The following POLQ variants were observed in gnomAD, a reference collection of about 807,000 sequenced individuals.
POLQ encodes the protein DNA polymerase theta.
A neutral mutation model predicts 259.2 loss-of-function variants in POLQ; 233 were observed. The observed-to-expected ratio is 0.90, with a 90% confidence interval of 0.81 to 1.00. POLQ has a LOEUF of 1.00. POLQ is among the 50% of genes least tolerant of loss of function. The probability of loss-of-function intolerance (pLI) is 0.00; values close to 1 mark genes in which losing one functional copy is unlikely to be tolerated. For synonymous variants in POLQ, 1,025 were observed against 1,048.8 expected (o/e 0.98, Z 0.44); for missense variants, 2,871 against 3,051.6 (o/e 0.94, Z 1.39).
intron 5 of POLQ, among the ~76,000 whole-genome samples, chr3:121,536,478 A>G (rs1258023645): frequency 6.6e-6 from 1 of 152,164 alleles, no homozygotes; most frequent in Non-Finnish European, 1.5e-5. Context: ...GGCTAAAAAA[A>G]TAATATTTTT....
intron 12 of POLQ, among the ~76,000 whole-genome samples, chr3:121,508,470 C>A (rs2048227375): frequency 1.3e-5 from 2 of 152,088 alleles, no homozygotes; most frequent in Non-Finnish European, 2.9e-5. Flanking sequence ...TAAATACTTA[C>A]CCAAGGTTAT....
chr3:121,434,304 C>T (rs1245709177), intron 28 of POLQ, among the ~76,000 whole-genome samples: 1 of 152,184 alleles, frequency 6.6e-6, no homozygotes, highest in Non-Finnish European at 1.5e-5. Flanking sequence ...AGCCATATCG[C>T]CTTCCACTGA....
chr3:121,460,616 G>T (rs1385730160), intron 24 of POLQ, among the ~76,000 whole-genome samples: 3 of 152,138 alleles, frequency 2.0e-5, no homozygotes, highest in Non-Finnish European at 2.9e-5. Flanking sequence ...AGAAAAGCTT[G>T]CACAGTTGCT....
At chr3:121,457,723 C>T (rs1160784227) in intron 25 of POLQ, among the ~76,000 whole-genome samples, 24 of 152,210 alleles carry the variant, frequency 1.6e-4, no homozygotes, top group African/African-American at 2.6e-4. Context: ...ATCATTAAAA[C>T]GTCAGGAAAC....
chr3:121,545,330 C>G (rs980433707), intron 1 of POLQ, among the ~76,000 whole-genome samples: 2 of 152,174 alleles, frequency 1.3e-5, no homozygotes, highest in Non-Finnish European at 2.9e-5. Context: ...CATTACGAAT[C>G]CCTTCCAGCC....
intron 6 of POLQ, among the ~76,000 whole-genome samples, chr3:121,531,797 T>G (rs1047161382): frequency 2.0e-5 from 3 of 152,150 alleles, no homozygotes; most frequent in African/African-American, 7.2e-5. Context: ...CACACATAAA[T>G]GTATTGAAGT....
intron 26 of POLQ, 132 bp from the exon 27 acceptor site, chr3:121,440,248 G>A: frequency 3.3e-6 from 2 of 609,604 alleles, no homozygotes; most frequent in Non-Finnish European, 2.7e-6. Context: ...CGTCAAATCA[G>A]GCATGCGAAC....
intron 14 of POLQ, chr3:121,493,974 G>A (rs1482201779): frequency 5.2e-5 from 31 of 598,472 alleles, no homozygotes; most frequent in Non-Finnish European, 1.2e-5. Flanking sequence ...GTTAATACAT[G>A]AAAACTGAGG....
intron 20 of POLQ, among the ~76,000 whole-genome samples, chr3:121,475,068 T>C (rs1418812556): frequency 2.0e-5 from 3 of 152,196 alleles, no homozygotes; most frequent in Non-Finnish European, 4.4e-5. Flanking sequence ...TACGTTACTA[T>C]TGACTGTAGT....
chr3:121,480,377 T>C (rs1224337218), intron 19 of POLQ, among the ~76,000 whole-genome samples: 2 of 152,176 alleles, frequency 1.3e-5, no homozygotes, highest in Non-Finnish European at 2.9e-5. Flanking sequence ...CTAAATCTGA[T>C]AGCTGTCTAC....
At chr3:121,454,823 C>A (rs1441504258) in intron 25 of POLQ, among the ~76,000 whole-genome samples, 1 of 152,052 alleles carries the variant, frequency 6.6e-6, no homozygotes, top group African/African-American at 2.4e-5. Context: ...GACAGATCAA[C>A]GAGACAGAAA....
chr3:121,453,341 C>T lies in POLQ; in HGVS notation c.7153-3915G>A, dbSNP rs1184937423. ...TCTAAAAAGCAGAGCGCCTCTCCTCCTCCAAAGGAACGCAGTTCCTCACCA... is the reference window on the plus strand; with the variant it reads ...TCTAAAAAGCAGAGCGCCTCTCCTCTTCCAAAGGAACGCAGTTCCTCACCA... On this transcript the variant is annotated intron_variant, in intron 25 of 29. Transcript: ENST00000264233. Among the ~76,000 whole-genome samples the T allele has an allele frequency of 2.0e-5, 3 of 152,202 alleles. No homozygotes were observed. In the East Asian group the frequency reaches 5.8e-4, roughly 29 times the overall value.
In POLQ at chr3:121,488,445, C is replaced by T. The variant is rs780258295; in HGVS notation, c.4486G>A (p.Asp1496Asn). The stretch of plus-strand genomic sequence containing the variant: ...AATTGTTCTTTTACTAGATAGTCAT[C>T]ACTGAAGCTATCAAATAGTAAACTA... The part of the protein sequence containing the change: ...SDSLLFDSFS[D>N]DYLVKEQLPD... The change falls in exon 16 of 30, where the codon GAT (aspartate) becomes AAT (asparagine). Residue 1496 changes from aspartate to asparagine, a missense_variant. By Grantham distance (23) the Asp-to-Asn change is conservative. Transcript: ENST00000264233. The T allele has an allele frequency of 6.2e-7, 1 of 1,610,494 alleles. No homozygotes were observed. Among genetic ancestry groups the T allele is most frequent in the Admixed American group, 1.7e-5 (1 of 59,394 alleles).
At position 121,490,117 on chromosome 3, in the gene POLQ, G is replaced by C; in HGVS notation, c.2814C>G (p.Asn938Lys). Reference protein sequence around the residue: ...KSSYKKLTSKNKSNTIFSDSY... With the variant: ...KSSYKKLTSKKKSNTIFSDSY... The stretch of plus-strand genomic sequence containing the variant: ...AATCACTAAATATTGTGTTACTTTT[G>C]TTCTTTGATGTTAATTTTTTATAAG... Residue 938 changes from asparagine (N) to lysine (K), a missense_variant, in exon 16 of 30, where the codon AAC (asparagine) becomes AAG (lysine). This residue lies in a region of POLQ where 2,080 missense variants were observed against 2,126.0 expected (regional missense o/e 0.98). Transcript: ENST00000264233. The C allele has an allele frequency of 1.9e-6, 3 of 1,604,158 alleles. No homozygotes were observed. The highest frequency in any genetic ancestry group is 2.2e-5 in the South Asian group (2 of 89,754).
rs61757738 is a variant in POLQ, at chr3:121,544,797, C to A, written c.273G>T (p.Lys91Asn). The A allele has an allele frequency of 1.8e-3, 2,839 of 1,613,488 alleles. 18 individuals carry two copies. Among genetic ancestry groups the A allele is most frequent in the Admixed American group, 0.017 (994 of 59,996 alleles). The change falls in exon 2 of 30, where the codon AAG becomes AAT. Residue 91 changes from lysine to asparagine, a missense_variant. By Grantham distance (94) the Lys-to-Asn change is moderately conservative. Transcript: ENST00000264233. ...LEKYHSFGVK[K>N]MFEWQAECLL... Reference sequence around the variant, plus strand: ...GGCACTCTGCCTGCCATTCAAACATCTTTTTTACACCAAAACTGTGGTATT... The same window carrying A: ...GGCACTCTGCCTGCCATTCAAACATATTTTTTACACCAAAACTGTGGTATT...
In POLQ at chr3:121,487,789, A is replaced by G; in HGVS notation, c.5142T>C (p.His1714=). ...KIEMLENNAN[H]DETSSLLPRK... ...GAGGTAAGAGGGATGAGGTTTCATCATGATTGGCATTGTTTTCTAGCATCT... is the reference window on the plus strand; with the variant it reads ...GAGGTAAGAGGGATGAGGTTTCATCGTGATTGGCATTGTTTTCTAGCATCT... The change falls in exon 16 of 30, where the codon CAT becomes CAC. Residue 1714 remains histidine, a synonymous_variant. Transcript: ENST00000264233. 6.2e-7 allele frequency: 1 copy of G among 1,610,610 alleles called. No individual in the cohort carries two copies. The highest frequency in any genetic ancestry group is 1.1e-5 in the South Asian group (1 of 90,066).
chr3:121,473,546 A>G, intron 20 of POLQ, 59 bp from the exon 21 acceptor site: 2 of 1,390,830 alleles, frequency 1.4e-6, no homozygotes, highest in Non-Finnish European at 2.0e-6. Flanking sequence ...TATCATTCAG[A>G]AAATATTTTA....
At chr3:121,522,291 T>C in intron 7 of POLQ, 142 bp from the exon 8 acceptor site, 1 of 164,124 alleles carries the variant, frequency 6.1e-6, no homozygotes, top group Non-Finnish European at 9.2e-6. Flanking sequence ...GATCTTTTTT[T>C]TTTTTTTTTT....
At chr3:121,545,030 C>T in intron 1 of POLQ, 124 bp from the exon 2 acceptor site, 1 of 580,934 alleles carries the variant, frequency 1.7e-6, no homozygotes, top group Admixed American at 3.3e-5. Flanking sequence ...CACATCCTGA[C>T]TTCAAGAATC....
Sources: gnomAD v4.1 joint callset for allele counts (sites outside exome capture counted in the v4.1 genomes callset) on GRCh38, gnomAD v4.1.1 for gene constraint, gnomAD v4.1.1 regional missense constraint, MANE v1.5 for transcripts, NCBI Gene and HGNC (gene_info 2026-07-23, HGNC 2026-07-21) for gene names.